Variants in UACA observed in about 807,000 individuals in gnomAD.
UACA encodes the protein nuclear membrane binding protein.
Under a neutral mutation model 160.5 loss-of-function variants are expected in UACA, and 112 were observed. The observed-to-expected ratio is 0.70, with a 90% CI of 0.60 to 0.82. The LOEUF (loss-of-function observed/expected upper bound fraction) is 0.82. UACA is among the 40% of genes least tolerant of loss of function. The pLI, the probability that UACA is intolerant of heterozygous loss-of-function variation, is 0.00. For missense variants in UACA, 1,574 were observed against 1,614.6 expected (o/e 0.97, Z 0.43); for synonymous variants, 557 against 568.4 (o/e 0.98, Z 0.29).
the UACA span, among the ~76,000 whole-genome samples, chr15:70,778,437 G>A: frequency 8.5e-5 from 13 of 152,284 alleles, no homozygotes; most frequent in East Asian, 9.6e-4. Flanking sequence ...GGCTGCCCTC[G>A]TTCCTTGGCT....
rs905381072 is a variant in UACA at position 70,735,838 on chromosome 15, G to A, written c.78+27492C>T. On this transcript the variant is annotated intron_variant, in intron 1 of 18. Transcript: ENST00000322954. ...CTACAGGTGTAAGACACCAAGCCCA[G>A]CTAATTTTTTAATTTTCTGTAGAGA... is the stretch of plus-strand genomic sequence containing the variant. Among the ~76,000 whole-genome samples, 8 of 152,044 alleles carry A rather than the reference G, an allele frequency of 5.3e-5. No individual in the cohort carries two copies. The South Asian group carries it at 1.2e-3, about 24-fold the overall frequency.
At position 70,763,532 on chromosome 15, in the gene UACA, T is replaced by A; in HGVS notation, c.-125A>T. 1 of 1,244,910 alleles carries A rather than the reference T, an allele frequency of 8.0e-7. No homozygotes were observed. Among genetic ancestry groups the A allele is most frequent in the Non-Finnish European group, 1.0e-6 (1 of 990,500 alleles). 77.1% of individuals were successfully genotyped at this position (1,244,910 alleles called of 1,614,324 possible). ...GTACCAGCCCCACCTGCCTGCCACC[T>A]GCGGGCCCCGGGCAGCAGACGTCGA... is the stretch of plus-strand genomic sequence containing the variant. On this transcript the variant is annotated 5_prime_UTR_variant, in exon 1 of 19. Transcript: ENST00000322954.
intron 1 of UACA, among the ~76,000 whole-genome samples, chr15:70,755,528 G>A (rs916703950): frequency 1.3e-5 from 2 of 152,048 alleles, no homozygotes; most frequent in African/African-American, 2.4e-5. Context: ...AACTTAGCCA[G>A]GCATGGTGAC....
chr15:70,664,338 C>G (rs1343075425), intron 17 of UACA, among the ~76,000 whole-genome samples: 1 of 152,156 alleles, frequency 6.6e-6, no homozygotes, highest in East Asian at 1.9e-4. Context: ...TATACCCCAG[C>G]TGAATGACCC....
chr15:70,751,606 T>C (rs2030063252), intron 1 of UACA, among the ~76,000 whole-genome samples: 1 of 152,164 alleles, frequency 6.6e-6, no homozygotes, highest in African/African-American at 2.4e-5. Flanking sequence ...ACAAACATAT[T>C]TAAGTAACTT....
the UACA span, among the ~76,000 whole-genome samples, chr15:70,778,123 C>T: frequency 6.6e-6 from 1 of 152,016 alleles, no homozygotes; most frequent in African/African-American, 2.4e-5. Context: ...ATCACCTGAG[C>T]CCAGGAGCTC....
chr15:70,673,360 G>T (rs991944617), intron 13 of UACA, among the ~76,000 whole-genome samples: 2 of 152,110 alleles, frequency 1.3e-5, no homozygotes, highest in South Asian at 2.1e-4. Context: ...GTATATTTAG[G>T]TGTATCAGTC....
chr15:70,689,385 GT>G (rs1897844812), intron 5 of UACA, among the ~76,000 whole-genome samples: 1 of 152,096 alleles, frequency 6.6e-6, no homozygotes, highest in African/African-American at 2.4e-5. Context: ...AGTTGTACCA[GT>G]TTTTAAAGCA....
chr15:70,663,169 A>C (rs1297587655), intron 17 of UACA, among the ~76,000 whole-genome samples: 1 of 152,226 alleles, frequency 6.6e-6, no homozygotes, highest in Non-Finnish European at 1.5e-5. Flanking sequence ...TTTACAAGAA[A>C]AAAACAACCC....
chr15:70,671,887 G>T, intron 14 of UACA, 78 bp downstream of exon 14: 1 of 1,285,526 alleles, frequency 7.8e-7, no homozygotes. Context: ...TTCCTGTATA[G>T]TTAAACAAGT....
At chr15:70,762,478 A>C (rs2030825761) in intron 1 of UACA, among the ~76,000 whole-genome samples, 1 of 152,192 alleles carries the variant, frequency 6.6e-6, no homozygotes, top group Non-Finnish European at 1.5e-5. Flanking sequence ...CATTCTTGTA[A>C]CGTGACAAAT....
At chr15:70,663,715 T>C (rs1595866868) in intron 17 of UACA, among the ~76,000 whole-genome samples, 1 of 152,014 alleles carries the variant, frequency 6.6e-6, no homozygotes, top group Admixed American at 6.5e-5. Flanking sequence ...TCATGTCCTT[T>C]GTAGGGACAT....
chr15:70,666,685 G>C, intron 16 of UACA, 39 bp downstream of exon 16: 1 of 1,496,208 alleles, frequency 6.7e-7, no homozygotes, highest in Non-Finnish European at 9.0e-7. Flanking sequence ...CTGCTCTGGG[G>C]TTTCCAACAC....
At chr15:70,707,951 C>T (rs1898568009) in intron 1 of UACA, among the ~76,000 whole-genome samples, 1 of 152,158 alleles carries the variant, frequency 6.6e-6, no homozygotes, top group African/African-American at 2.4e-5. Flanking sequence ...AAAGCAGGGT[C>T]TCCTAGAGAT....
chr15:70,721,959 T>A (rs1017848724), intron 1 of UACA, among the ~76,000 whole-genome samples: 1 of 152,248 alleles, frequency 6.6e-6, no homozygotes, highest in Non-Finnish European at 1.5e-5. Context: ...GGTGATTCCA[T>A]GAACTCAGTT....
At chr15:70,683,079 G>C (rs534715536) in intron 8 of UACA, among the ~76,000 whole-genome samples, 1 of 152,194 alleles carries the variant, frequency 6.6e-6, no homozygotes, top group East Asian at 1.9e-4. Context: ...ATTTAGGCTG[G>C]GTATGGTGGC....
intron 9 of UACA, among the ~76,000 whole-genome samples, 179 bp downstream of exon 9, chr15:70,682,579 T>C (rs901354688): frequency 1.4e-4 from 22 of 152,160 alleles, no homozygotes; most frequent in South Asian, 2.1e-4. Context: ...AGCTAAGTGA[T>C]AGTATCTTGA....
chr15:70,773,754 T>C, the UACA span, among the ~76,000 whole-genome samples: 1 of 152,208 alleles, frequency 6.6e-6, no homozygotes, highest in African/African-American at 2.4e-5. Context: ...CTTTTGGAAA[T>C]TTGAGGACAG....
chr15:70,769,484 A>AG, the UACA span, among the ~76,000 whole-genome samples: 1 of 151,682 alleles, frequency 6.6e-6, no homozygotes, highest in South Asian at 2.1e-4. Context: ...GTTATGGGAA[A>AG]GGGAAAGGGA....
Sources: gnomAD v4.1 joint callset for allele counts (sites outside exome capture counted in the v4.1 genomes callset) on GRCh38, gnomAD v4.1.1 for gene constraint, MANE v1.5 for transcripts, NCBI Gene and HGNC (gene_info 2026-07-23, HGNC 2026-07-21) for gene names.